Variants in CATSPERT observed in about 807,000 individuals in gnomAD.
CATSPERT encodes the protein cation channel sperm-associated targeting subunit tau.
chr2:201,539,090 A>G, the CATSPERT span, among the ~76,000 whole-genome samples: 93,750 of 151,950 alleles, frequency 0.62, 30,557 homozygotes, highest in East Asian at 0.95. Context: ...GCTTGATTCC[A>G]TTTCTTTGCT....
chr2:201,495,052 C>A, the CATSPERT span, among the ~76,000 whole-genome samples: 9,029 of 152,006 alleles, frequency 0.059, 609 homozygotes, highest in East Asian at 0.26. Context: ...TTATTTTTAA[C>A]AACGCAATTT....
the CATSPERT span, among the ~76,000 whole-genome samples, chr2:201,584,069 G>C: frequency 2.0e-5 from 3 of 150,772 alleles, no homozygotes; most frequent in Admixed American, 2.0e-4. Flanking sequence ...TGGGTGAATT[G>C]CTTCAGCCCA....
At chr2:201,536,994 T>C in the CATSPERT span, among the ~76,000 whole-genome samples, 1 of 151,962 alleles carries the variant, frequency 6.6e-6, no homozygotes, top group Non-Finnish European at 1.5e-5. Flanking sequence ...ATGAATACCT[T>C]ATGTAAATTT....
chr2:201,525,479 A>G, the CATSPERT span, among the ~76,000 whole-genome samples: 1 of 152,214 alleles, frequency 6.6e-6, no homozygotes, highest in East Asian at 1.9e-4. Context: ...AGTCTATAGC[A>G]CTAAATGCCC....
chr2:201,584,673 C>G, the CATSPERT span, among the ~76,000 whole-genome samples: 2 of 152,042 alleles, frequency 1.3e-5, no homozygotes, highest in Admixed American at 1.3e-4. Context: ...ATCCCAGCTA[C>G]TCAGGAGGCT....
At chr2:201,551,360 C>T in the CATSPERT span, among the ~76,000 whole-genome samples, 1 of 151,824 alleles carries the variant, frequency 6.6e-6, no homozygotes, top group Non-Finnish European at 1.5e-5. Flanking sequence ...TTTTAAAGTA[C>T]TAGTCTATTA....
chr2:201,614,947 T>A, the CATSPERT span, among the ~76,000 whole-genome samples: 47 of 151,764 alleles, frequency 3.1e-4, no homozygotes, highest in Non-Finnish European at 6.3e-4. Flanking sequence ...CCAACAAAGA[T>A]CAAAAGAGAC....
At chr2:201,510,700 G>A in the CATSPERT span, among the ~76,000 whole-genome samples, 3,272 of 151,954 alleles carry the variant, frequency 0.022, 117 homozygotes, top group African/African-American at 0.076. Flanking sequence ...AAGTTCTTAC[G>A]TCATATTAAA....
At chr2:201,522,176 A>G in the CATSPERT span, among the ~76,000 whole-genome samples, 4 of 152,206 alleles carry the variant, frequency 2.6e-5, no homozygotes, top group Non-Finnish European at 5.9e-5. Flanking sequence ...TAGCCAAGAG[A>G]AAGAAATTAA....
the CATSPERT span, chr2:201,603,121 A>C: frequency 2.1e-6 from 2 of 958,886 alleles, no homozygotes; most frequent in East Asian, 5.1e-5. Flanking sequence ...AAAATGGTCA[A>C]TGTGTTAAGC....
the CATSPERT span, chr2:201,493,959 A>C: frequency 1.3e-6 from 2 of 1,536,716 alleles, no homozygotes; most frequent in Non-Finnish European, 1.7e-6. Context: ...TAATTATCTG[A>C]CCCCCTTCTG....
the CATSPERT span, among the ~76,000 whole-genome samples, chr2:201,584,659 T>C: frequency 2.6e-5 from 4 of 151,970 alleles, no homozygotes; most frequent in Non-Finnish European, 5.9e-5. Context: ...GTCGCACGCC[T>C]GTAATCCCAG....
At chr2:201,495,845 A>G in the CATSPERT span, 19 of 1,232,716 alleles carry the variant, frequency 1.5e-5, no homozygotes, top group Non-Finnish European at 2.2e-5. Context: ...TATTGAAGAA[A>G]CCTAGTAATT....
chr2:201,585,577 A>G, the CATSPERT span, among the ~76,000 whole-genome samples: 2 of 152,164 alleles, frequency 1.3e-5, no homozygotes, highest in African/African-American at 4.8e-5. Context: ...CTAAACAAAT[A>G]TAGACTATAT....
At chr2:201,606,585 T>C in the CATSPERT span, among the ~76,000 whole-genome samples, 1 of 151,870 alleles carries the variant, frequency 6.6e-6, no homozygotes, top group Non-Finnish European at 1.5e-5. Flanking sequence ...CAAAAGATAG[T>C]GGGGAAAACT....
the CATSPERT span, chr2:201,553,563 A>T: frequency 6.6e-6 from 1 of 152,212 alleles, no homozygotes; most frequent in Non-Finnish European, 1.5e-5. Flanking sequence ...TTACCTAATA[A>T]TGATATTTTA....
the CATSPERT span, chr2:201,536,212 G>A: frequency 6.2e-7 from 1 of 1,613,446 alleles, no homozygotes; most frequent in South Asian, 1.1e-5. Flanking sequence ...ACTTCTGTGG[G>A]TGAAGGTGTT....
At chr2:201,588,575 T>C in the CATSPERT span, among the ~76,000 whole-genome samples, 1 of 145,880 alleles carries the variant, frequency 6.9e-6, no homozygotes, top group South Asian at 2.3e-4. Flanking sequence ...AACATCACAC[T>C]GAATGGGCAA....
chr2:201,565,413 G>A, the CATSPERT span, among the ~76,000 whole-genome samples: 392 of 152,222 alleles, frequency 2.6e-3, 2 homozygotes, highest in African/African-American at 8.6e-3. Context: ...GTTTGGGGCT[G>A]CAGTGAGCAT....
Sources: gnomAD v4.1 joint callset for allele counts (sites outside exome capture counted in the v4.1 genomes callset) on GRCh38, gnomAD v4.1.1 for gene constraint, MANE v1.5 for transcripts, NCBI Gene and HGNC (gene_info 2026-07-23, HGNC 2026-07-21) for gene names.